The following FRMD6 variants were observed in gnomAD, a reference collection of about 807,000 sequenced individuals.
FRMD6 encodes FERM domain containing 6, also known as FERM domain-containing protein 6.
FRMD6 carries 37 observed loss-of-function variants against 73.2 expected under a neutral mutation model. That is an observed-to-expected ratio of 0.51 (90% confidence interval 0.39 to 0.66). The LOEUF is 0.66. Among genes scored for constraint, FRMD6 ranks in the 30% least tolerant of loss-of-function variants. FRMD6 has a pLI of 0.00. For missense variants in FRMD6, 714 were observed against 780.5 expected (o/e 0.91, Z 1.02); for synonymous variants, 273 against 282.2 (o/e 0.97, Z 0.33).
the FRMD6 span, among the ~76,000 whole-genome samples, chr14:51,448,567 T>C: frequency 2.0e-5 from 3 of 152,206 alleles, no homozygotes; most frequent in Non-Finnish European, 4.4e-5. Context: ...AAATATATGC[T>C]GAAATATAAG....
chr14:51,512,596 C>G (rs971513027), intron 1 of FRMD6, among the ~76,000 whole-genome samples: 7 of 152,058 alleles, frequency 4.6e-5, no homozygotes, highest in African/African-American at 1.7e-4. Flanking sequence ...CTTCTGATAG[C>G]TGATGTAATG....
At chr14:51,673,280 G>A (rs1276664673) in intron 1 of FRMD6, among the ~76,000 whole-genome samples, 15 of 151,064 alleles carry the variant, frequency 9.9e-5, no homozygotes, top group African/African-American at 3.2e-4. Flanking sequence ...TTTTTTCCAC[G>A]TTAGCACAGA....
rs1896740235 is a variant in FRMD6, at chr14:51,708,196, T to C, written c.677T>C (p.Leu226Pro). 1 of 1,613,256 alleles carries C rather than the reference T, an allele frequency of 6.2e-7. No individual in the cohort carries two copies. The highest frequency in any genetic ancestry group is 8.5e-7 in the Non-Finnish European group (1 of 1,179,452). Residue 226 changes from leucine to proline, a missense_variant, in exon 7 of 14, where the codon CTG becomes CCG. Physicochemically the swap from Leu to Pro is moderately conservative, Grantham distance 98. Coordinates refer to ENST00000344768, the MANE Select transcript of FRMD6 (RefSeq NM_001267046.2). ...HLKYIKEAVR[L>P]DDVAVHYYRL... is the part of the protein sequence containing the mutation. ...AAATATATCAAAGAGGCTGTCCGACTGGATGACGTCGCTGTTCATTACTAC... is the reference window on the plus strand; with the variant it reads ...AAATATATCAAAGAGGCTGTCCGACCGGATGACGTCGCTGTTCATTACTAC...
chr14:51,711,671 C>T (rs1046393873), intron 8 of FRMD6, 75 bp downstream of exon 8: 1 of 1,061,158 alleles, frequency 9.4e-7, no homozygotes, highest in East Asian at 2.4e-5. Context: ...GGTCCTGCCA[C>T]AGGTTCAGTA....
At chr14:51,541,342 A>G (rs1400336436) in intron 1 of FRMD6, among the ~76,000 whole-genome samples, 1 of 152,132 alleles carries the variant, frequency 6.6e-6, no homozygotes, top group Non-Finnish European at 1.5e-5. Flanking sequence ...ATAAATATTC[A>G]CTGAGCATTG....
chr14:51,656,241 A>G (rs1224486480), intron 1 of FRMD6, among the ~76,000 whole-genome samples: 3 of 152,248 alleles, frequency 2.0e-5, no homozygotes, highest in Non-Finnish European at 4.4e-5. Context: ...GATGAATTAC[A>G]GAACACTGAG....
chr14:51,622,604 C>T (rs770240992), intron 2 of FRMD6, among the ~76,000 whole-genome samples: 10 of 152,136 alleles, frequency 6.6e-5, no homozygotes, highest in East Asian at 3.9e-4. Context: ...GAGCTTCACT[C>T]GGAGTCAATC....
chr14:51,652,605 G>A (rs2140099389), intron 1 of FRMD6, among the ~76,000 whole-genome samples: 1 of 152,390 alleles, frequency 6.6e-6, no homozygotes. Context: ...GTCCCGGAAA[G>A]TGCCTAGTCT....
At position 51,704,899 on chromosome 14, in the gene FRMD6, A is replaced by C; in HGVS notation, c.522A>C (p.Gly174=). 1 of 1,611,894 alleles carries C rather than the reference A, an allele frequency of 6.2e-7. No individual in the cohort carries two copies. The highest frequency in any genetic ancestry group is 8.5e-7 in the Non-Finnish European group (1 of 1,178,542). The change falls in exon 6 of 14, where the codon GGA becomes GGC. Residue 174 remains glycine (G), a synonymous_variant. Coordinates refer to ENST00000344768, the MANE Select transcript of FRMD6 (RefSeq NM_001267046.2). ...ACTTCAAAAGGAATAAGCACTATGG[A>C]AAATACTTCGAGCCAGAGGCTTACT... is the stretch of plus-strand genomic sequence containing the variant. The part of the protein sequence containing the change: ...LGNFKRNKHY[G]KYFEPEAYFP...
chr14:51,398,704 C>G, the FRMD6 span, among the ~76,000 whole-genome samples: 1 of 151,942 alleles, frequency 6.6e-6, no homozygotes, highest in African/African-American at 2.4e-5. Flanking sequence ...AAAATTACAC[C>G]CTGATATGCT....
intron 1 of FRMD6, among the ~76,000 whole-genome samples, chr14:51,513,442 C>T (rs1041808622): frequency 3.3e-5 from 5 of 152,152 alleles, no homozygotes; most frequent in East Asian, 1.9e-4. Context: ...GCCCACAATT[C>T]GGCCGAGCCA....
chr14:51,484,020 A>G, the FRMD6 span, among the ~76,000 whole-genome samples: 1 of 152,164 alleles, frequency 6.6e-6, no homozygotes, highest in African/African-American at 2.4e-5. Context: ...TTTCCGTTAC[A>G]CCATGTTGTC....
chr14:51,422,979 G>C, the FRMD6 span, among the ~76,000 whole-genome samples: 1 of 152,256 alleles, frequency 6.6e-6, no homozygotes, highest in Non-Finnish European at 1.5e-5. Flanking sequence ...TCAAGAGCCA[G>C]TATGCTATTC....
chr14:51,600,748 A>G (rs2139803009), intron 2 of FRMD6, among the ~76,000 whole-genome samples: 1 of 152,348 alleles, frequency 6.6e-6, no homozygotes, highest in East Asian at 1.9e-4. Context: ...TAAGAGAAAA[A>G]TGTTTTTAAA....
At chr14:51,628,800 C>CAAAA (rs764713119) in intron 2 of FRMD6, among the ~76,000 whole-genome samples, 1,055 of 52,134 alleles carry the variant, frequency 0.02, 83 homozygotes, top group Middle Eastern at 0.033. Flanking sequence ...GACTCTGTCT[C>CAAAA]AAAAAAAAAA....
chr14:51,616,423 G>C (rs1347121335), intron 2 of FRMD6, among the ~76,000 whole-genome samples: 1 of 152,200 alleles, frequency 6.6e-6, no homozygotes, highest in Non-Finnish European at 1.5e-5. Flanking sequence ...CTAGATTAAA[G>C]GGTTTGGAAC....
chr14:51,616,183 C>T (rs544153679), intron 2 of FRMD6, among the ~76,000 whole-genome samples: 36 of 152,238 alleles, frequency 2.4e-4, no homozygotes, highest in African/African-American at 8.4e-4. Context: ...GACAGCCTTC[C>T]ATTTTCTGAT....
chr14:51,595,027 G>T (rs112749064), intron 2 of FRMD6, among the ~76,000 whole-genome samples: 1 of 152,196 alleles, frequency 6.6e-6, no homozygotes, highest in African/African-American at 2.4e-5. Context: ...CAGCCTCAAC[G>T]GAAGGGGTAG....
intron 1 of FRMD6, among the ~76,000 whole-genome samples, chr14:51,523,402 C>A (rs1009732076): frequency 3.3e-5 from 5 of 152,082 alleles, no homozygotes; most frequent in Admixed American, 6.5e-5. Context: ...TCCCCTTAGC[C>A]TCTGTGGTCC....
Sources: allele counts gnomAD v4.1 joint callset (sites outside exome capture counted in the v4.1 genomes callset), GRCh38; gene constraint gnomAD v4.1.1; transcripts MANE v1.5; gene names NCBI Gene and HGNC (gene_info 2026-07-23, HGNC 2026-07-21).